Variants in ENTHD1 observed in about 807,000 individuals in gnomAD.
ENTHD1 encodes ENTH domain containing 1, also known as ENTH domain-containing protein 1.
ENTHD1 carries 23 observed loss-of-function variants against 39.1 expected under a neutral mutation model. The observed-to-expected ratio is 0.59, with a 90% confidence interval of 0.42 to 0.83. The LOEUF is 0.83. Among genes scored for constraint, ENTHD1 ranks in the 40% least tolerant of loss-of-function variants. The probability of loss-of-function intolerance (pLI) is 0.00; values close to 1 mark genes in which losing one functional copy is unlikely to be tolerated. For missense variants in ENTHD1, 624 were observed against 705.4 expected (o/e 0.88, Z 1.31); for synonymous variants, 230 against 258.2 (o/e 0.89, Z 1.05).
At chr22:39,804,265 T>C (rs2065622909) in intron 5 of ENTHD1, among the ~76,000 whole-genome samples, 1 of 151,832 alleles carries the variant, frequency 6.6e-6, no homozygotes, top group Non-Finnish European at 1.5e-5. Context: ...GTGGGAGGAC[T>C]GTCTGAGTCC....
chr22:39,884,261 C>T (rs906566224), intron 2 of ENTHD1, among the ~76,000 whole-genome samples: 65 of 151,978 alleles, frequency 4.3e-4, no homozygotes, highest in Non-Finnish European at 2.9e-4. Flanking sequence ...TCACTGCAAC[C>T]TTCACCTCCT....
chr22:39,836,623 A>G (rs1569161074), intron 3 of ENTHD1, among the ~76,000 whole-genome samples: 1 of 152,304 alleles, frequency 6.6e-6, no homozygotes, highest in East Asian at 1.9e-4. Flanking sequence ...TTTTGATTTG[A>G]ACATAAAAGA....
At chr22:39,757,398 G>A (rs1028757107) in intron 6 of ENTHD1, among the ~76,000 whole-genome samples, 1 of 151,918 alleles carries the variant, frequency 6.6e-6, no homozygotes, top group Non-Finnish European at 1.5e-5. Flanking sequence ...GCCTCCCAAG[G>A]AGCTGGGACC....
At chr22:39,876,474 C>T (rs2066290204) in intron 2 of ENTHD1, among the ~76,000 whole-genome samples, 1 of 140,228 alleles carries the variant, frequency 7.1e-6, no homozygotes, top group South Asian at 2.2e-4. Context: ...GCAGATTCTG[C>T]AAGGTCATTG....
intron 5 of ENTHD1, among the ~76,000 whole-genome samples, chr22:39,774,712 T>G (rs1208003520): frequency 6.6e-6 from 1 of 152,228 alleles, no homozygotes; most frequent in Non-Finnish European, 1.5e-5. Context: ...CATTTACCTC[T>G]CTTGCCTCAT....
At position 39,867,849 on chromosome 22, in the gene ENTHD1, C is replaced by T. The variant is rs1007484064; in HGVS notation, c.350-5842G>A. 2.0e-5 allele frequency among the ~76,000 whole-genome samples: 3 copies of T among 152,050 alleles called. No homozygotes were observed. On this transcript the variant is annotated intron_variant, in intron 2 of 6. Coordinates refer to ENST00000325157, the MANE Select transcript of ENTHD1 (RefSeq NM_152512.4). This position sits in a 1 kb window ranked among gnomAD's most constrained non-coding sequence, Gnocchi z 4.5. ...CAGTAAGTTCATGCTTCAAAGTATC[C>T]CCCTGTTCTATTCCAAATACACAGC...
rs1362905850 is a variant in ENTHD1, at chr22:39,804,834, TA to T, written c.832+16158del. Among the ~76,000 whole-genome samples, 4 of 152,092 alleles carry T rather than the reference TA, an allele frequency of 2.6e-5. No individual in the cohort carries two copies. The East Asian group carries it at 7.7e-4, about 29-fold the overall frequency. On this transcript the variant is annotated intron_variant, in intron 5 of 6. Coordinates refer to ENST00000325157, the MANE Select transcript of ENTHD1 (RefSeq NM_152512.4). ...ATGAAAGACTTAAACAAACAAAAAC[TA>T]GACTCGTATGTAACAGATAAAGATT...
At chr22:39,823,849 T>A (rs1192789390) in intron 4 of ENTHD1, among the ~76,000 whole-genome samples, 1 of 152,244 alleles carries the variant, frequency 6.6e-6, no homozygotes, top group Non-Finnish European at 1.5e-5. Context: ...TTTTTAATTT[T>A]AGCCATTTTA....
At chr22:39,770,646 C>T (rs752710401) in intron 5 of ENTHD1, among the ~76,000 whole-genome samples, 21 of 152,240 alleles carry the variant, frequency 1.4e-4, no homozygotes, top group Non-Finnish European at 2.2e-4. Flanking sequence ...ATATAAGTTA[C>T]CAGTTTGATT....
chr22:39,870,894 C>A (rs1481695660), intron 2 of ENTHD1, among the ~76,000 whole-genome samples: 1 of 152,112 alleles, frequency 6.6e-6, no homozygotes, highest in African/African-American at 2.4e-5. Context: ...AAAAGACCTC[C>A]TTTTCTACTG....
chr22:39,785,754 T>C (rs1169918588), intron 5 of ENTHD1, among the ~76,000 whole-genome samples: 2 of 152,166 alleles, frequency 1.3e-5, no homozygotes, highest in African/African-American at 2.4e-5. Flanking sequence ...TTTTTAATCT[T>C]CGCATCTAGC....
At chr22:39,768,840 T>G (rs1216722516) in intron 5 of ENTHD1, among the ~76,000 whole-genome samples, 1 of 152,104 alleles carries the variant, frequency 6.6e-6, no homozygotes, top group Non-Finnish European at 1.5e-5. Flanking sequence ...TAGTACCCAC[T>G]GTTTGTACTG....
intron 4 of ENTHD1, among the ~76,000 whole-genome samples, chr22:39,832,439 G>A (rs1487730677): frequency 6.6e-6 from 1 of 152,144 alleles, no homozygotes; most frequent in Non-Finnish European, 1.5e-5. Flanking sequence ...ACAAAAAAAA[G>A]TTTTAAAAAG....
intron 4 of ENTHD1, among the ~76,000 whole-genome samples, chr22:39,822,492 C>T (rs571528885): frequency 6.6e-6 from 1 of 152,218 alleles, no homozygotes; most frequent in African/African-American, 2.4e-5. Flanking sequence ...GTTCCTATTG[C>T]TCAACATAAT....
At chr22:39,794,421 T>G (rs891921390) in intron 5 of ENTHD1, among the ~76,000 whole-genome samples, 13 of 152,196 alleles carry the variant, frequency 8.5e-5, no homozygotes, top group Non-Finnish European at 1.5e-5. Context: ...ATTTTACTTC[T>G]TTTCCAATTT....
chr22:39,743,966 A>G lies in ENTHD1; in HGVS notation c.1537T>C (p.Trp513Arg). Reference sequence around the variant, plus strand: ...ACATTTTGGGTGGAAAACTCCCCCCAGTGACTACTAGAAATGTGACTTATA... The same window carrying G: ...ACATTTTGGGTGGAAAACTCCCCCCGGTGACTACTAGAAATGTGACTTATA... The part of the protein sequence containing the change: ...KNISHISSSH[W>R]GEFSTQNVDQ... Residue 513 changes from tryptophan to arginine, a missense_variant, in exon 7 of 7, where the codon TGG becomes CGG. Physicochemically the swap from Trp to Arg is moderately radical, Grantham distance 101. Transcript: ENST00000325157. 4 of 1,614,180 alleles carry G rather than the reference A, an allele frequency of 2.5e-6. No individual in the cohort carries two copies. The highest frequency in any genetic ancestry group is 3.4e-6 in the Non-Finnish European group (4 of 1,180,012).
chr22:39,780,644 T>A (rs2065401907), intron 5 of ENTHD1, among the ~76,000 whole-genome samples: 1 of 152,158 alleles, frequency 6.6e-6, no homozygotes, highest in Admixed American at 6.5e-5. Context: ...TATATAATGA[T>A]CAAAGGGGTC....
At chr22:39,815,090 G>A (rs1170853106) in intron 5 of ENTHD1, among the ~76,000 whole-genome samples, 2 of 152,182 alleles carry the variant, frequency 1.3e-5, no homozygotes, top group East Asian at 1.9e-4. Context: ...CACGTCAGAT[G>A]AGGAAACATG....
At chr22:39,796,822 G>A (rs543057302) in intron 5 of ENTHD1, among the ~76,000 whole-genome samples, 18 of 152,312 alleles carry the variant, frequency 1.2e-4, no homozygotes, top group African/African-American at 4.1e-4. Context: ...TCCACATGCT[G>A]ATGAGAAGAC....
Sources: allele counts gnomAD v4.1 joint callset (sites outside exome capture counted in the v4.1 genomes callset), GRCh38; gene constraint gnomAD v4.1.1; non-coding constraint Gnocchi (gnomAD v3.1); transcripts MANE v1.5; gene names NCBI Gene and HGNC (gene_info 2026-07-23, HGNC 2026-07-21).